The following WDR53 variants were observed in gnomAD, a reference collection of about 807,000 sequenced individuals.
The protein encoded by WDR53 is WD repeat domain 53, also known as WD repeat-containing protein 53.
WDR53 carries 19 observed loss-of-function variants against 21.3 expected under a neutral mutation model. That is an observed-to-expected ratio of 0.89 (90% CI 0.62 to 1.31). WDR53 has a LOEUF of 1.31. Ranked by LOEUF, WDR53 falls within the 50% of genes most tolerant of loss-of-function variation. The pLI is 0.00. For synonymous variants in WDR53, 157 were observed against 163.4 expected (o/e 0.96, Z 0.30); for missense variants, 374 against 423.2 (o/e 0.88, Z 1.02).
At chr3:196,562,188 T>C (rs549477557) in intron 2 of WDR53, among the ~76,000 whole-genome samples, 44 of 152,260 alleles carry the variant, frequency 2.9e-4, no homozygotes, top group African/African-American at 8.2e-4. Context: ...GAAATGCAAA[T>C]TGTCAGACCC....
At chr3:196,567,395 G>C in intron 1 of WDR53, 88 bp from the exon 2 acceptor site, 1 of 364,900 alleles carries the variant, frequency 2.7e-6, no homozygotes, top group South Asian at 2.1e-5. Context: ...CAAACACCAT[G>C]AATCAGAGGG....
Position 196,554,759 on chromosome 3 carries a change from A to G in WDR53, c.529T>C (p.Leu177=). ...QKARPLWITN[L]QEDETEEMEG... ...ATTTCTTCTGTTTCATCCTCCTGTA[A>G]ATTTGTAATCCAGAGTGGTCGGGCT... The change falls in exon 4 of 4, where the codon TTA becomes CTA. Residue 177 remains leucine (L), a synonymous_variant. Transcript: ENST00000332629. The G allele has an allele frequency of 6.2e-7, 1 of 1,614,086 alleles. No individual in the cohort carries two copies. The highest frequency in any genetic ancestry group is 8.5e-7 in the Non-Finnish European group (1 of 1,180,012).
At position 196,554,380 on chromosome 3, in the gene WDR53, T is replaced by C; in HGVS notation, c.908A>G (p.Asn303Ser). 6.2e-7 allele frequency: 1 copy of C among 1,614,208 alleles called. No homozygotes were observed. The highest frequency in any genetic ancestry group is 8.5e-7 in the Non-Finnish European group (1 of 1,180,046). ...GTCTKQGGNT[N>S]ASVTDEEEHG... The stretch of plus-strand genomic sequence containing the variant: ...TTCTTCCTCATCTGTTACTGAAGCG[T>C]TAGTATTTCCACCCTGCTTGGTGCA... The change falls in exon 4 of 4, where the codon AAC (asparagine) becomes AGC (serine). Residue 303 changes from asparagine to serine, a missense_variant. Coordinates refer to ENST00000332629, the MANE Select transcript of WDR53 (RefSeq NM_182627.3).
rs1279301438 is a variant in WDR53 at position 196,558,379 on chromosome 3, G to GT, written c.480+2616dup. 2.6e-5 allele frequency among the ~76,000 whole-genome samples: 4 copies of GT among 151,742 alleles called. No homozygotes were observed. In the South Asian group the frequency reaches 8.3e-4, roughly 32 times the overall value. ...ATGCTAGCACACCTGGCTAATTTTC[G>GT]TATTTTCGGTAGAGATAGGGTTTTG... On this transcript the variant is annotated intron_variant, in intron 3 of 3. Coordinates refer to ENST00000332629, the MANE Select transcript of WDR53 (RefSeq NM_182627.3).
At chr3:196,564,201 C>CGGGAGGCTGAGGCAGGA (rs1735151721) in intron 2 of WDR53, among the ~76,000 whole-genome samples, 1 of 151,848 alleles carries the variant, frequency 6.6e-6, no homozygotes, top group East Asian at 1.9e-4. Flanking sequence ...TATGCCGTAA[C>CGGGAGGCTGAGGCAGGA]GAAGACTGTT....
chr3:196,560,415 T>C (rs1734720590), intron 3 of WDR53, among the ~76,000 whole-genome samples: 1 of 152,130 alleles, frequency 6.6e-6, no homozygotes, highest in Admixed American at 6.5e-5. Flanking sequence ...CTAATTTTTG[T>C]ATTTCTAGTA....
intron 2 of WDR53, among the ~76,000 whole-genome samples, chr3:196,565,940 AC>A (rs1182366810): frequency 2.0e-5 from 3 of 152,262 alleles, no homozygotes; most frequent in Non-Finnish European, 2.9e-5. Flanking sequence ...TATCAAGTCA[AC>A]AAGCTTCTCT....
Position 196,561,147 on chromosome 3 carries a change from GC to G in WDR53, c.328del (p.Ala110LeufsTer12). ...LSLNQTENLL[A>X]SADDSGAIKI... ...GATTGCCCCAGAGTCGTCAGCAGAAGCCAGCAGGTTTTCCGTTTGATTCAAT... is the reference window on the plus strand; with the variant it reads ...GATTGCCCCAGAGTCGTCAGCAGAAGCAGCAGGTTTTCCGTTTGATTCAAT... On this transcript the variant is annotated frameshift_variant, in exon 3 of 4. Coordinates refer to ENST00000332629, the MANE Select transcript of WDR53 (RefSeq NM_182627.3). LOFTEE classifies it high-confidence loss of function. 6.2e-7 allele frequency: 1 copy of G among 1,614,212 alleles called. No homozygotes were observed. The highest frequency in any genetic ancestry group is 8.5e-7 in the Non-Finnish European group (1 of 1,180,030).
intron 3 of WDR53, among the ~76,000 whole-genome samples, chr3:196,555,277 G>A (rs114401754): frequency 0.015 from 2,252 of 152,260 alleles, 25 homozygotes; most frequent in South Asian, 0.028. Flanking sequence ...ACCCATCCAA[G>A]GGGCTTAAGC....
chr3:196,555,329 G>A (rs937032446), intron 3 of WDR53, among the ~76,000 whole-genome samples: 1 of 152,042 alleles, frequency 6.6e-6, no homozygotes, highest in African/African-American at 2.4e-5. Context: ...ATTTCAGCCC[G>A]CTTCTCCTTC....
At chr3:196,557,074 A>G (rs1734387674) in intron 3 of WDR53, among the ~76,000 whole-genome samples, 1 of 116,770 alleles carries the variant, frequency 8.6e-6, no homozygotes, top group African/African-American at 3.7e-5. Context: ...AGAGATACTG[A>G]AAGAAAAGAA....
intron 3 of WDR53, 29 bp from the exon 4 acceptor site, chr3:196,554,836 T>C (rs201019738): frequency 6.4e-7 from 1 of 1,563,738 alleles, no homozygotes; most frequent in East Asian, 2.2e-5. Flanking sequence ...TACACAGTCA[T>C]ACAAAATGCT....
intron 2 of WDR53, among the ~76,000 whole-genome samples, chr3:196,561,982 T>A (rs1734916503): frequency 6.6e-6 from 1 of 152,140 alleles, no homozygotes; most frequent in South Asian, 2.1e-4. Flanking sequence ...ATAATGACAC[T>A]CATTTCATAG....
chr3:196,563,907 T>G (rs1050514872), intron 2 of WDR53, among the ~76,000 whole-genome samples: 3 of 152,138 alleles, frequency 2.0e-5, no homozygotes, highest in African/African-American at 7.2e-5. Context: ...GATCACTAAT[T>G]AGACTGCAAA....
intron 2 of WDR53, among the ~76,000 whole-genome samples, chr3:196,564,996 T>C (rs1237466633): frequency 1.3e-5 from 2 of 152,200 alleles, no homozygotes; most frequent in South Asian, 2.1e-4. Flanking sequence ...TCAAGGTTCA[T>C]TCAGTTAAGT....
chr3:196,567,020 T>C lies in WDR53; in HGVS notation c.-160A>G, dbSNP rs1735468149. 5.8e-6 allele frequency: 2 copies of C among 345,820 alleles called. No homozygotes were observed. Among genetic ancestry groups the C allele is most frequent in the South Asian group, 4.4e-5 (2 of 45,284 alleles). The allele number at this position is 345,820 out of a possible 1,614,324, so 21.4% of individuals were successfully genotyped here. A position where few individuals can be genotyped will look rare whatever the true frequency, so the allele number is the denominator to read the frequency against. The stretch of plus-strand genomic sequence containing the variant: ...ACTGAGACACGATAAAGGCCAGTCT[T>C]TAAAAACTGAGTGATCTCTAAACAC... On this transcript the variant is annotated 5_prime_UTR_variant, in exon 2 of 4. Coordinates refer to ENST00000332629, the MANE Select transcript of WDR53 (RefSeq NM_182627.3).
At position 196,561,183 on chromosome 3, in the gene WDR53, T is replaced by C. The variant is rs527371926; in HGVS notation, c.293A>G (p.Asn98Ser). The change falls in exon 3 of 4, where the codon AAT becomes AGT. Residue 98 changes from asparagine to serine, a missense_variant. Physicochemically the swap from Asn to Ser is conservative, Grantham distance 46. Coordinates refer to ENST00000332629, the MANE Select transcript of WDR53 (RefSeq NM_182627.3). ...TTCCGTTTGATTCAATGAAAGACAATTGATTTCTTCTTCATTCACATGAAA... is the reference window on the plus strand; with the variant it reads ...TTCCGTTTGATTCAATGAAAGACAACTGATTTCTTCTTCATTCACATGAAA... ...DHFHVNEEEI[N>S]CLSLNQTENL... 36 of 1,614,214 alleles carry C rather than the reference T, an allele frequency of 2.2e-5. 1 individual carries two copies. The highest frequency in any genetic ancestry group is 6.6e-5 in the South Asian group (6 of 91,090).
In WDR53 at chr3:196,567,077, C is replaced by G. The variant is rs1735473594; in HGVS notation, c.-217G>C. The G allele has an allele frequency of 2.2e-6, 1 of 450,164 alleles. No homozygotes were observed. Among genetic ancestry groups the G allele is most frequent in the South Asian group, 1.6e-5 (1 of 63,662 alleles). The allele number at this position is 450,164 out of a possible 1,614,324, so 27.9% of individuals were successfully genotyped here. Reference sequence around the variant, plus strand: ...CTAGTCATACCACCACCGTCCCGTTCAAGAGTCTGTGCCTCTAAGGCTGTT... The same window carrying G: ...CTAGTCATACCACCACCGTCCCGTTGAAGAGTCTGTGCCTCTAAGGCTGTT... On this transcript the variant is annotated 5_prime_UTR_variant, in exon 2 of 4. The change abolishes the stop of an existing upstream ORF in the 5' untranslated region. Transcript: ENST00000332629.
chr3:196,560,247 C>CTT lies in WDR53; in HGVS notation c.480+747_480+748dup, dbSNP rs11425350. On this transcript the variant is annotated intron_variant, in intron 3 of 3. Coordinates refer to ENST00000332629, the MANE Select transcript of WDR53 (RefSeq NM_182627.3). Reference sequence around the variant, plus strand: ...AATTTGTGATGCTCCTTTCTTTTTTCTTTTTTTTTTTTTGAGACAGAGTCT... The same window carrying CTT: ...AATTTGTGATGCTCCTTTCTTTTTTCTTTTTTTTTTTTTTTGAGACAGAGTCT... Among the ~76,000 whole-genome samples the CTT allele has an allele frequency of 2.3e-3, 327 of 144,986 alleles. 3 individuals are homozygous for CTT. Among genetic ancestry groups the CTT allele is most frequent in the African/African-American group, 5.7e-3 (222 of 39,200 alleles).
Sources: gnomAD v4.1 joint callset for allele counts (sites outside exome capture counted in the v4.1 genomes callset) on GRCh38, gnomAD v4.1.1 for gene constraint, MANE v1.5 for transcripts, NCBI Gene and HGNC (gene_info 2026-07-23, HGNC 2026-07-21) for gene names.